The following ZKSCAN7 variants were observed in gnomAD, a reference collection of about 807,000 sequenced individuals.
ZKSCAN7 encodes the protein zinc finger protein with KRAB and SCAN domains 7.
ZKSCAN7 carries 38 observed loss-of-function variants against 65.3 expected under a neutral mutation model. The ratio of observed to expected loss-of-function variants is 0.58; its 90% CI spans 0.45 to 0.76. The LOEUF (loss-of-function observed/expected upper bound fraction) is 0.76. Among genes scored for constraint, ZKSCAN7 ranks in the 30% least tolerant of loss-of-function variants. The probability of loss-of-function intolerance (pLI) is 0.00; values close to 1 mark genes in which losing one functional copy is unlikely to be tolerated. For missense variants in ZKSCAN7, 815 were observed against 913.3 expected, an observed-to-expected ratio of 0.89 and a Z score of 1.39; for synonymous variants, 321 against 321.0, an observed-to-expected ratio of 1.00 and a Z score of 0.00.
At chr3:44,575,112 T>A (rs1270180489), downstream of ZKSCAN7, among the ~76,000 whole-genome samples, 1 of 152,066 alleles carries the variant, frequency 6.6e-6, no homozygotes, top group Non-Finnish European at 1.5e-5. Flanking sequence ...GGGCAACACG[T>A]CAAGACCCTG....
At chr3:44,582,985 G>A (rs1700122056) in exon 6 of ZKSCAN7, 2 of 447,980 alleles carry the variant, frequency 4.5e-6, no homozygotes, top group Non-Finnish European at 8.9e-6. Flanking sequence ...GGAGTACAAT[G>A]GCGTGATCTT....
chr3:44,580,982 G>A (rs1700064601), intron 5 of ZKSCAN7: 1 of 1,611,498 alleles, frequency 6.2e-7, no homozygotes, highest in African/African-American at 1.3e-5. Flanking sequence ...TGTTGAAGAT[G>A]TTGGCCTGGA....
chr3:44,566,640 T>C (rs1699639246), intron 3 of ZKSCAN7, among the ~76,000 whole-genome samples: 1 of 152,096 alleles, frequency 6.6e-6, no homozygotes, highest in South Asian at 2.1e-4. Context: ...TGTTATTTAT[T>C]TATTTTTTTT....
chr3:44,574,626 A>G (rs1201734161), downstream of ZKSCAN7, among the ~76,000 whole-genome samples: 3 of 152,210 alleles, frequency 2.0e-5, no homozygotes, highest in African/African-American at 4.8e-5. Flanking sequence ...AGGGTAATAT[A>G]GTGGTTAACA....
chr3:44,558,184 T>A (rs532166717), intron 2 of ZKSCAN7, among the ~76,000 whole-genome samples: 18 of 151,974 alleles, frequency 1.2e-4, no homozygotes, highest in African/African-American at 4.3e-4. Context: ...GGTGTGTGTG[T>A]GTGTGTGTGT....
At position 44,568,745 on chromosome 3, in the gene ZKSCAN7, TG is replaced by T. The variant is rs910666893; in HGVS notation, c.811+313del. On this transcript the variant is annotated intron_variant, in intron 5 of 5. Transcript: ENST00000426540. ...AAAGGAATGAGAACCTGGAAGAAAC[TG>T]ATGAGCTAGACCAGACTGTGGGAAG... Among the ~76,000 whole-genome samples, 10 of 152,292 alleles carry T rather than the reference TG, an allele frequency of 6.6e-5. No individual in the cohort carries two copies. In the East Asian group the frequency reaches 1.5e-3, roughly 24 times the overall value.
intron 1 of ZKSCAN7, 186 bp downstream of exon 1, chr3:44,555,667 A>C (rs1699269221): frequency 6.6e-6 from 1 of 152,250 alleles, no homozygotes; most frequent in Admixed American, 6.5e-5. Context: ...CATTCGGAAC[A>C]CTATGGGAAG....
At chr3:44,573,768 T>C (rs1699870489), downstream of ZKSCAN7, among the ~76,000 whole-genome samples, 1 of 152,208 alleles carries the variant, frequency 6.6e-6, no homozygotes, top group East Asian at 1.9e-4. Flanking sequence ...GTTGCAGTTT[T>C]ACCTTCTGGT....
At chr3:44,557,765 C>T (rs376523732) in intron 2 of ZKSCAN7, among the ~76,000 whole-genome samples, 4 of 152,108 alleles carry the variant, frequency 2.6e-5, no homozygotes, top group African/African-American at 9.7e-5. Flanking sequence ...TAGAATAGGG[C>T]GATCGGGGGA....
chr3:44,563,995 G>C (rs1267338292), intron 2 of ZKSCAN7, among the ~76,000 whole-genome samples: 1 of 152,188 alleles, frequency 6.6e-6, no homozygotes, highest in African/African-American at 2.4e-5. Context: ...TTAAAGGAGA[G>C]AGTCCCTTAA....
At position 44,569,525 on chromosome 3, in the gene ZKSCAN7, T is replaced by C. The variant is rs987197574; in HGVS notation, c.812-397T>C. On this transcript the variant is annotated intron_variant, in intron 5 of 5. Coordinates refer to ENST00000426540, the MANE Select transcript of ZKSCAN7 (RefSeq NM_001288590.2). ...CAGCCTCCTCTCTCCCAACATGTTT[T>C]CTGAGAACAATGGAACCATGCAATG... Among the ~76,000 whole-genome samples the C allele has an allele frequency of 9.2e-5, 14 of 152,342 alleles. No individual in the cohort carries two copies. In the South Asian group the frequency reaches 1.7e-3, roughly 18 times the overall value.
intron 2 of ZKSCAN7, among the ~76,000 whole-genome samples, chr3:44,558,460 G>A (rs6766630): frequency 0.034 from 5,172 of 151,644 alleles, 204 homozygotes; most frequent in African/African-American, 0.097. Flanking sequence ...AGGAGGCAGA[G>A]GTTGCAGTAA....
At chr3:44,569,660 G>T (rs1185053540) in intron 5 of ZKSCAN7, among the ~76,000 whole-genome samples, 3 of 152,104 alleles carry the variant, frequency 2.0e-5, no homozygotes, top group African/African-American at 7.2e-5. Flanking sequence ...TTGCTTTCCA[G>T]TGGCCCTTCT....
intron 2 of ZKSCAN7, among the ~76,000 whole-genome samples, chr3:44,558,442 T>C (rs1288369321): frequency 6.6e-6 from 1 of 151,644 alleles, no homozygotes; most frequent in Non-Finnish European, 1.5e-5. Context: ...AAAGAATCAC[T>C]TGAACCCAGG....
intron 5 of ZKSCAN7, chr3:44,580,615 C>T (rs942422634): frequency 1.5e-5 from 25 of 1,613,758 alleles, no homozygotes; most frequent in Non-Finnish European, 1.7e-5. Context: ...CACCCACTGA[C>T]GATCTCCTTG....
rs188600760 is a variant in ZKSCAN7, at chr3:44,582,212, T to C, written c.812-760T>C. On this transcript the variant is annotated intron_variant, in intron 5 of 5. Transcript: ENST00000341840. ...TTTAGATTTATTATTCACCAAATCA[T>C]AACAGTCCTCCACTAATATATGCAC... 3.4e-4 allele frequency among the ~76,000 whole-genome samples: 52 copies of C among 152,308 alleles called. 1 individual carries two copies. Among genetic ancestry groups the C allele is most frequent in the Admixed American group, 7.2e-4 (11 of 15,302 alleles).
At chr3:44,573,924 A>G (rs1699875118), downstream of ZKSCAN7, among the ~76,000 whole-genome samples, 1 of 152,174 alleles carries the variant, frequency 6.6e-6, no homozygotes, top group Non-Finnish European at 1.5e-5. Context: ...TAAAAGCCTG[A>G]GGCTTTTGAA....
At chr3:44,563,226 C>T (rs1252042020) in intron 2 of ZKSCAN7, among the ~76,000 whole-genome samples, 2 of 152,188 alleles carry the variant, frequency 1.3e-5, no homozygotes, top group Non-Finnish European at 2.9e-5. Context: ...CTAGGAAGTT[C>T]CAAACTTTCC....
At chr3:44,580,596 A>G (rs1700049823) in intron 5 of ZKSCAN7, 2 of 1,613,766 alleles carry the variant, frequency 1.2e-6, no homozygotes, top group Non-Finnish European at 1.7e-6. Context: ...GACCATGAGC[A>G]TCTCCAGCCA....
Sources: gnomAD v4.1 joint callset for allele counts (sites outside exome capture counted in the v4.1 genomes callset) on GRCh38, gnomAD v4.1.1 for gene constraint, MANE v1.5 for transcripts, NCBI Gene and HGNC (gene_info 2026-07-23, HGNC 2026-07-21) for gene names.